The following ABLIM2 variants were observed in gnomAD, a reference collection of about 807,000 sequenced individuals.
The protein encoded by ABLIM2 is actin binding LIM protein family member 2, also known as actin-binding LIM protein 2.
A neutral mutation model predicts 97.7 loss-of-function variants in ABLIM2; 53 were observed. The observed-to-expected ratio is 0.54, with a 90% CI of 0.44 to 0.68. The LOEUF is 0.68. ABLIM2 is among the 30% of genes least tolerant of loss of function. The pLI is 0.00. For synonymous variants in ABLIM2, 361 were observed against 345.8 expected, an observed-to-expected ratio of 1.04 and a Z score of -0.49; for missense variants, 835 against 867.2, an observed-to-expected ratio of 0.96 and a Z score of 0.47.
intron 9 of ABLIM2, among the ~76,000 whole-genome samples, chr4:8,036,533 G>A (rs1156376345): frequency 1.3e-5 from 2 of 152,176 alleles, no homozygotes; most frequent in African/African-American, 4.8e-5. Flanking sequence ...GGCAGAGTCT[G>A]AGCTCACCCC....
rs1375279744 is a variant in ABLIM2 at position 8,075,599 on chromosome 4, G to A, written c.675+2029C>T. On this transcript the variant is annotated intron_variant, in intron 6 of 20. Coordinates refer to ENST00000447017, the MANE Select transcript of ABLIM2 (RefSeq NM_001130083.2). The surrounding 1 kb of genome is among the most constrained non-coding windows in gnomAD (Gnocchi z 4.4). The stretch of plus-strand genomic sequence containing the variant: ...TCCCAGCTGGTCGGGAGGCTGAGGT[G>A]GAAGGATCACTTAAGCCTGGGAAGT... Among the ~76,000 whole-genome samples the A allele has an allele frequency of 6.6e-6, 1 of 152,110 alleles. No homozygotes were observed. The highest frequency in any genetic ancestry group is 1.5e-5 in the Non-Finnish European group (1 of 68,028).
intron 1 of ABLIM2, among the ~76,000 whole-genome samples, chr4:8,121,953 C>T (rs1014627029): frequency 3.3e-5 from 5 of 152,190 alleles, no homozygotes; most frequent in Admixed American, 1.3e-4. Context: ...CCAGACCTGC[C>T]CAGACCTCAA....
rs1214488179 is a variant in ABLIM2, at chr4:8,042,172, CCTGT to C, written c.900+2988_900+2991del. ...GGTCTCTCTGACCGCCTCCTGCCCT[CCTGT>C]CTCTCACCCTCTTCCTTCCTACCCC... is the stretch of plus-strand genomic sequence containing the variant. On this transcript the variant is annotated intron_variant, in intron 9 of 20. Transcript: ENST00000447017. Among the ~76,000 whole-genome samples the C allele has an allele frequency of 3.9e-5, 6 of 152,306 alleles. No homozygotes were observed. The East Asian group carries it at 1.2e-3, about 29-fold the overall frequency.
chr4:8,096,728 G>T (rs924241755), intron 3 of ABLIM2, among the ~76,000 whole-genome samples: 4 of 152,226 alleles, frequency 2.6e-5, no homozygotes, highest in African/African-American at 7.2e-5. Context: ...GGGAGGGAAG[G>T]GGGAGGCAGG....
Position 8,046,126 on chromosome 4 carries a change from G to C in ABLIM2, c.823-885C>G, listed in dbSNP as rs1056365337. 2.0e-5 allele frequency among the ~76,000 whole-genome samples: 3 copies of C among 152,134 alleles called. No homozygotes were observed. Among genetic ancestry groups the C allele is most frequent in the African/African-American group, 7.2e-5 (3 of 41,414 alleles). ...TTTGCTGCTGTCACGCCTGGGACCTGTGTCCTCCTTACATGCTCGCTGCTG... is the reference window on the plus strand; with the variant it reads ...TTTGCTGCTGTCACGCCTGGGACCTCTGTCCTCCTTACATGCTCGCTGCTG... On this transcript the variant is annotated intron_variant, in intron 8 of 20. Coordinates refer to ENST00000447017, the MANE Select transcript of ABLIM2 (RefSeq NM_001130083.2). This position sits in a 1 kb window ranked among gnomAD's most constrained non-coding sequence, Gnocchi z 4.4.
chr4:8,097,720 G>A (rs1378433628), intron 2 of ABLIM2, among the ~76,000 whole-genome samples: 1 of 152,118 alleles, frequency 6.6e-6, no homozygotes, highest in Non-Finnish European at 1.5e-5. Context: ...ACTCTGTGCT[G>A]GGGGCCGAAG....
At chr4:8,084,312 T>C (rs1821876508) in intron 4 of ABLIM2, among the ~76,000 whole-genome samples, 1 of 152,094 alleles carries the variant, frequency 6.6e-6, no homozygotes, top group African/African-American at 2.4e-5. Context: ...TGGGTTTACC[T>C]CCCAGGCGCA....
chr4:8,056,931 C>CAAAA (rs10584281), intron 7 of ABLIM2, among the ~76,000 whole-genome samples: 2 of 43,104 alleles, frequency 4.6e-5, no homozygotes, highest in South Asian at 1.4e-3. Context: ...AACTCCGTCT[C>CAAAA]AAAAAAAAAA....
chr4:8,097,306 C>T (rs920543646), intron 2 of ABLIM2, 24 bp from the exon 3 acceptor site: 8 of 1,550,740 alleles, frequency 5.2e-6, no homozygotes, highest in African/African-American at 2.7e-5. Flanking sequence ...GGCGAGGTGG[C>T]GTTAGCGGCA....
chr4:8,073,409 C>T (rs1161257786), intron 6 of ABLIM2, among the ~76,000 whole-genome samples: 6 of 151,722 alleles, frequency 4.0e-5, no homozygotes, highest in African/African-American at 7.3e-5. Context: ...CTGTTCTTCG[C>T]GGAGAACGGA....
chr4:8,128,737 C>T lies in ABLIM2; in HGVS notation c.11-22100G>A, dbSNP rs1477824461. Among the ~76,000 whole-genome samples, 2 of 152,112 alleles carry T rather than the reference C, an allele frequency of 1.3e-5. No homozygotes were observed. The highest frequency in any genetic ancestry group is 2.9e-5 in the Non-Finnish European group (2 of 68,014). Reference sequence around the variant, plus strand: ...ACCCCAGTGTGACAGGATTTGGAGGCGGGACCTTTGGGAGGAATTAGGTCT... The same window carrying T: ...ACCCCAGTGTGACAGGATTTGGAGGTGGGACCTTTGGGAGGAATTAGGTCT... On this transcript the variant is annotated intron_variant, in intron 1 of 20. Coordinates refer to ENST00000447017, the MANE Select transcript of ABLIM2 (RefSeq NM_001130083.2). This position sits in a 1 kb window ranked among gnomAD's most constrained non-coding sequence, Gnocchi z 4.9.
rs548823862 is a variant in ABLIM2 at position 8,132,172 on chromosome 4, C to G, written c.11-25535G>C. 6.6e-6 allele frequency among the ~76,000 whole-genome samples: 1 copy of G among 152,202 alleles called. No individual in the cohort carries two copies. Among genetic ancestry groups the G allele is most frequent in the Non-Finnish European group, 1.5e-5 (1 of 68,006 alleles). ...AAAGGAAACAGCGTACATGGTCCCACGAGGCTGCAATCACCCCCCTGCTCA... is the reference window on the plus strand; with the variant it reads ...AAAGGAAACAGCGTACATGGTCCCAGGAGGCTGCAATCACCCCCCTGCTCA... On this transcript the variant is annotated intron_variant, in intron 1 of 20. Transcript: ENST00000447017. This position sits in a 1 kb window ranked among gnomAD's most constrained non-coding sequence, Gnocchi z 8.0.
In ABLIM2 at chr4:8,008,113, T is replaced by G; in HGVS notation, c.1564A>C (p.Ser522Arg). The stretch of plus-strand genomic sequence containing the variant: ...TGGAGAGGGTCTCTGTCGGTCCCGC[T>G]GCTGTGGGACAAGGACTGGGTGTCC... ...DLDTQSLSHS[S>R]GTDRDPLQRM... Residue 522 changes from serine to arginine, a missense_variant, in exon 16 of 21, where the codon AGC (serine) becomes CGC (arginine). Coordinates refer to ENST00000447017, the MANE Select transcript of ABLIM2 (RefSeq NM_001130083.2). 6.2e-7 allele frequency: 1 copy of G among 1,614,040 alleles called. No homozygotes were observed.
chr4:8,101,625 C>T, intron 2 of ABLIM2, among the ~76,000 whole-genome samples: 1 of 152,210 alleles, frequency 6.6e-6, no homozygotes, highest in East Asian at 1.9e-4. Flanking sequence ...CACGTCCTTC[C>T]CTCCCTGCCT....
intron 1 of ABLIM2, among the ~76,000 whole-genome samples, chr4:8,129,107 C>A (rs1344721199): frequency 6.6e-6 from 1 of 152,058 alleles, no homozygotes; most frequent in African/African-American, 2.4e-5. Context: ...GGGCAGAGGC[C>A]CTGGAAGACC....
At chr4:8,139,392 C>T (rs1022879231) in intron 1 of ABLIM2, among the ~76,000 whole-genome samples, 4 of 152,062 alleles carry the variant, frequency 2.6e-5, no homozygotes, top group Non-Finnish European at 4.4e-5. Context: ...CTACAAGGAA[C>T]TTAAACATAT....
chr4:8,018,816 A>G (rs762260022), intron 14 of ABLIM2, among the ~76,000 whole-genome samples: 1 of 152,218 alleles, frequency 6.6e-6, no homozygotes, highest in Non-Finnish European at 1.5e-5. Context: ...AATTCCCATC[A>G]TGTGCACAGC....
Position 8,095,599 on chromosome 4 carries a change from G to T in ABLIM2, c.338+1500C>A, listed in dbSNP as rs779338726. Among the ~76,000 whole-genome samples the T allele has an allele frequency of 2.6e-5, 4 of 152,048 alleles. No individual in the cohort carries two copies. The highest frequency in any genetic ancestry group is 5.9e-5 in the Non-Finnish European group (4 of 68,014). ...GGGTCTCTTTATGTTTCCCAAGCTG[G>T]TCTCCAGTTCCTGGTCTCAAGCGAT... On this transcript the variant is annotated intron_variant, in intron 3 of 20. Coordinates refer to ENST00000447017, the MANE Select transcript of ABLIM2 (RefSeq NM_001130083.2). The surrounding 1 kb of genome is among the most constrained non-coding windows in gnomAD (Gnocchi z 4.7).
chr4:8,116,842 G>C (rs375084647), intron 1 of ABLIM2, among the ~76,000 whole-genome samples: 2 of 152,154 alleles, frequency 1.3e-5, no homozygotes, highest in East Asian at 1.9e-4. Flanking sequence ...GTCCCAAACT[G>C]TTCCTGATCT....
Sources: gnomAD v4.1 joint callset for allele counts (sites outside exome capture counted in the v4.1 genomes callset) on GRCh38, gnomAD v4.1.1 for gene constraint, Gnocchi (gnomAD v3.1) non-coding constraint, MANE v1.5 for transcripts, NCBI Gene and HGNC (gene_info 2026-07-23, HGNC 2026-07-21) for gene names.